MBNL2: variants seen among roughly 807,000 people sequenced by gnomAD.
The protein encoded by MBNL2 is muscleblind-like protein 2.
Under a neutral mutation model 41.9 loss-of-function variants are expected in MBNL2, and 17 were observed. The observed-to-expected ratio is 0.41, with a 90% CI of 0.28 to 0.61. The LOEUF (loss-of-function observed/expected upper bound fraction) is 0.61, where lower values mean the gene tolerates loss of function less well. MBNL2 is among the 20% of genes least tolerant of loss of function. The probability of loss-of-function intolerance (pLI) is 0.35; values close to 1 mark genes in which losing one functional copy is unlikely to be tolerated. For missense variants in MBNL2, 336 were observed against 505.6 expected (o/e 0.66, Z 3.22); for synonymous variants, 195 against 182.9 (o/e 1.07, Z -0.53).
At chr13:97,186,845 A>G in the MBNL2 span, among the ~76,000 whole-genome samples, 1 of 152,212 alleles carries the variant, frequency 6.6e-6, no homozygotes, top group African/African-American at 2.4e-5. Context: ...TACACCAAAA[A>G]AAAGGGGGTG....
chr13:97,358,007 A>G (rs2063122805), intron 7 of MBNL2, among the ~76,000 whole-genome samples: 1 of 152,170 alleles, frequency 6.6e-6, no homozygotes, highest in Non-Finnish European at 1.5e-5. Context: ...TCCAGTAAAT[A>G]CTAACCATTT....
intron 3 of MBNL2, among the ~76,000 whole-genome samples, chr13:97,335,506 G>T (rs1050088659): frequency 1.3e-4 from 20 of 152,224 alleles, no homozygotes; most frequent in African/African-American, 4.3e-4. Flanking sequence ...GGAGAGTAGA[G>T]AATTCCGGCA....
chr13:97,215,635 TG>T, the MBNL2 span, among the ~76,000 whole-genome samples: 6 of 152,160 alleles, frequency 3.9e-5, no homozygotes, highest in African/African-American at 1.4e-4. Context: ...GTAAGAAAAA[TG>T]TTTTTTTTCA....
At chr13:97,289,845 A>C (rs7999038) in intron 2 of MBNL2, among the ~76,000 whole-genome samples, 12,843 of 152,258 alleles carry the variant, frequency 0.084, 610 homozygotes, top group South Asian at 0.14. Flanking sequence ...ACCTGAACCT[A>C]GCTTGATTTG....
chr13:97,390,183 A>C (rs1047360680), intron 8 of MBNL2, among the ~76,000 whole-genome samples: 1 of 152,184 alleles, frequency 6.6e-6, no homozygotes, highest in African/African-American at 2.4e-5. Context: ...AATTCTCTAC[A>C]CATCTGTCTG....
At chr13:97,348,456 T>A (rs1479387739) in intron 5 of MBNL2, among the ~76,000 whole-genome samples, 1 of 152,156 alleles carries the variant, frequency 6.6e-6, no homozygotes, top group Admixed American at 6.5e-5. Flanking sequence ...ATTAATTTGT[T>A]TTCATGTGAG....
At chr13:97,147,317 T>C in the MBNL2 span, among the ~76,000 whole-genome samples, 1 of 152,196 alleles carries the variant, frequency 6.6e-6, no homozygotes, top group Non-Finnish European at 1.5e-5. Context: ...ATGAAGGTAA[T>C]TTGAGCTGTG....
rs2058518625 is a variant in MBNL2 at position 97,310,682 on chromosome 13, G to T, written c.175-23594G>T. The stretch of plus-strand genomic sequence containing the variant: ...CTGACCTTGTGATCCACCTGCCTCA[G>T]CCTCCCAAAGTGCTGGGATTACAGG... On this transcript the variant is annotated intron_variant, in intron 2 of 8. Transcript: ENST00000679496. 2.6e-5 allele frequency among the ~76,000 whole-genome samples: 4 copies of T among 151,864 alleles called. No individual in the cohort carries two copies. The South Asian group carries it at 8.3e-4, about 32-fold the overall frequency.
At chr13:97,336,812 A>G (rs1253734934) in intron 3 of MBNL2, among the ~76,000 whole-genome samples, 2 of 152,242 alleles carry the variant, frequency 1.3e-5, no homozygotes, top group Non-Finnish European at 2.9e-5. Flanking sequence ...ACCGGAAACT[A>G]ATAGATGCAA....
At chr13:97,180,768 G>A in the MBNL2 span, among the ~76,000 whole-genome samples, 3 of 141,544 alleles carry the variant, frequency 2.1e-5, no homozygotes, top group African/African-American at 7.9e-5. Flanking sequence ...AAAAAAACAT[G>A]TTGTACCAGT....
rs1367656637 is a variant in MBNL2 at position 97,300,909 on chromosome 13, T to C, written c.174+24500T>C. The stretch of plus-strand genomic sequence containing the variant: ...ATTGGGCATCTATAACTATGATAGA[T>C]AGATACAGTAGGAAGTTGGAGTGAT... On this transcript the variant is annotated intron_variant, in intron 2 of 8. Transcript: ENST00000679496. Among the ~76,000 whole-genome samples the C allele has an allele frequency of 3.3e-5, 5 of 152,362 alleles. No homozygotes were observed. In the East Asian group the frequency reaches 9.6e-4, roughly 29 times the overall value.
chr13:97,363,531 G>GAATT (rs1566442375), intron 7 of MBNL2, among the ~76,000 whole-genome samples: 1 of 151,820 alleles, frequency 6.6e-6, no homozygotes, highest in African/African-American at 2.4e-5. Context: ...ATGCTGCTGA[G>GAATT]AATTAGGAAC....
chr13:97,368,198 C>T (rs958628873), intron 8 of MBNL2, among the ~76,000 whole-genome samples: 1 of 152,020 alleles, frequency 6.6e-6, no homozygotes, highest in Non-Finnish European at 1.5e-5. Flanking sequence ...TCACTTGAGC[C>T]CAGGAGTTGG....
chr13:97,246,275 T>TCACACACA (rs34830044), intron 1 of MBNL2, among the ~76,000 whole-genome samples: 47 of 145,904 alleles, frequency 3.2e-4, no homozygotes, highest in African/African-American at 1.0e-3. Flanking sequence ...TACTGTTATT[T>TCACACACA]CACACACACA....
rs182358744 is a variant in MBNL2, at chr13:97,319,440, G to T, written c.175-14836G>T. 2.3e-3 allele frequency among the ~76,000 whole-genome samples: 353 copies of T among 152,214 alleles called. 5 individuals are homozygous for T. The highest frequency in any genetic ancestry group is 4.9e-4 in the Non-Finnish European group (33 of 68,018). ...ATGAATAGGCAGGGTGGTCGTGAGG[G>T]TGATAGAAGACTCCAGCTGAATAGA... On this transcript the variant is annotated intron_variant, in intron 2 of 8. Transcript: ENST00000679496.
chr13:97,235,197 T>C (rs2043045294), intron 1 of MBNL2, among the ~76,000 whole-genome samples: 1 of 152,182 alleles, frequency 6.6e-6, no homozygotes, highest in African/African-American at 2.4e-5. Context: ...AGGCCCCTAC[T>C]CTATCACAAA....
intron 2 of MBNL2, among the ~76,000 whole-genome samples, chr13:97,320,044 T>C (rs1001534931): frequency 2.0e-5 from 3 of 152,180 alleles, no homozygotes; most frequent in African/African-American, 7.2e-5. Flanking sequence ...GAGGAGACTG[T>C]AGTATTTTGC....
At chr13:97,164,198 G>A in the MBNL2 span, among the ~76,000 whole-genome samples, 19 of 152,128 alleles carry the variant, frequency 1.2e-4, no homozygotes, top group Non-Finnish European at 2.4e-4. Flanking sequence ...ATTAGAGACG[G>A]GGTTTCGCCA....
chr13:97,314,139 C>T (rs1353998961), intron 2 of MBNL2, among the ~76,000 whole-genome samples: 6 of 151,988 alleles, frequency 3.9e-5, no homozygotes, highest in Admixed American at 2.6e-4. Flanking sequence ...CTGCTCTTAC[C>T]CTCACTCACT....
Sources: gnomAD v4.1 joint callset for allele counts (sites outside exome capture counted in the v4.1 genomes callset) on GRCh38, gnomAD v4.1.1 for gene constraint, MANE v1.5 for transcripts, NCBI Gene and HGNC (gene_info 2026-07-23, HGNC 2026-07-21) for gene names.